The following RNGTT variants were observed in gnomAD, a reference collection of about 807,000 sequenced individuals.
RNGTT encodes the protein mRNA-capping enzyme.
A neutral mutation model predicts 79.3 loss-of-function variants in RNGTT; 33 were observed. That is an observed-to-expected ratio of 0.42 (90% CI 0.32 to 0.56). RNGTT has a LOEUF of 0.56. Among genes scored for constraint, RNGTT ranks in the 20% least tolerant of loss-of-function variants. The pLI is 0.17. For synonymous variants in RNGTT, 222 were observed against 235.9 expected, an observed-to-expected ratio of 0.94 and a Z score of 0.54; for missense variants, 497 against 739.1, an observed-to-expected ratio of 0.67 and a Z score of 3.80.
intron 14 of RNGTT, among the ~76,000 whole-genome samples, chr6:88,658,988 A>C (rs989160884): frequency 6.6e-6 from 1 of 152,186 alleles, no homozygotes; most frequent in African/African-American, 2.4e-5. Flanking sequence ...CAGACGGCCT[A>C]TTGTGGGACT....
At position 88,714,652 on chromosome 6, in the gene RNGTT, C is replaced by T. The variant is rs1178851048; in HGVS notation, c.1440-36233G>A. Among the ~76,000 whole-genome samples, 10 of 92,470 alleles carry T rather than the reference C, an allele frequency of 1.1e-4. 2 individuals are homozygous for T. The highest frequency in any genetic ancestry group is 1.9e-4 in the Non-Finnish European group (10 of 53,306). 60.7% of individuals were successfully genotyped at this position (92,470 alleles called of 152,430 possible). A position where few individuals can be genotyped will look rare whatever the true frequency, so the allele number is the denominator to read the frequency against. Reference sequence around the variant, plus strand: ...AGAGACGGGGTTTCACCGTTTTAGCCGGGATGGTCTCGATCTCCTGACCTC... The same window carrying T: ...AGAGACGGGGTTTCACCGTTTTAGCTGGGATGGTCTCGATCTCCTGACCTC... On this transcript the variant is annotated intron_variant, in intron 13 of 15. Transcript: ENST00000369485.
At chr6:88,806,745 A>G (rs1779967645) in intron 11 of RNGTT, among the ~76,000 whole-genome samples, 1 of 152,236 alleles carries the variant, frequency 6.6e-6, no homozygotes, top group Admixed American at 6.5e-5. Flanking sequence ...ATTACTGGGT[A>G]TATACCCAAG....
At chr6:88,781,531 G>A (rs1379297058) in intron 12 of RNGTT, among the ~76,000 whole-genome samples, 3 of 150,726 alleles carry the variant, frequency 2.0e-5, no homozygotes, top group African/African-American at 5.0e-5. Context: ...AATTATGAAC[G>A]CACATTCTTC....
intron 14 of RNGTT, among the ~76,000 whole-genome samples, chr6:88,661,775 A>T (rs1394995335): frequency 6.6e-6 from 1 of 152,230 alleles, no homozygotes; most frequent in African/African-American, 2.4e-5. Flanking sequence ...TACTGAAACT[A>T]TTCCAAAAGA....
intron 14 of RNGTT, among the ~76,000 whole-genome samples, chr6:88,642,837 T>C (rs1470638870): frequency 6.6e-6 from 1 of 152,344 alleles, no homozygotes; most frequent in African/African-American, 2.4e-5. Flanking sequence ...ATTTTGCCTA[T>C]TTATAAAAAT....
chr6:88,830,127 A>G (rs1227642564), intron 11 of RNGTT, among the ~76,000 whole-genome samples: 1 of 152,202 alleles, frequency 6.6e-6, no homozygotes. Context: ...TCTAAAATTG[A>G]GCACATAATT....
At chr6:88,873,795 A>G (rs775481115) in intron 8 of RNGTT, among the ~76,000 whole-genome samples, 5 of 152,178 alleles carry the variant, frequency 3.3e-5, no homozygotes, top group South Asian at 2.1e-4. Context: ...GGCAAAAAAG[A>G]AATTTTTACT....
At chr6:88,746,839 T>C (rs1582411184) in intron 13 of RNGTT, among the ~76,000 whole-genome samples, 2 of 152,290 alleles carry the variant, frequency 1.3e-5, no homozygotes, top group East Asian at 3.9e-4. Context: ...AAATACTCTA[T>C]ACTGATTCCA....
At chr6:88,908,444 G>C (rs748639119) in intron 4 of RNGTT, among the ~76,000 whole-genome samples, 1 of 152,152 alleles carries the variant, frequency 6.6e-6, no homozygotes, top group Non-Finnish European at 1.5e-5. Flanking sequence ...ACTTTGAACA[G>C]ATCTTTTGAG....
intron 14 of RNGTT, among the ~76,000 whole-genome samples, chr6:88,668,092 TGA>T (rs1327098731): frequency 3.3e-5 from 5 of 152,160 alleles, no homozygotes; most frequent in African/African-American, 1.2e-4. Context: ...CTTGGGTAAA[TGA>T]GAGATGCCCC....
chr6:88,775,869 G>C (rs890070767), intron 12 of RNGTT, among the ~76,000 whole-genome samples: 2 of 152,078 alleles, frequency 1.3e-5, no homozygotes, highest in Non-Finnish European at 2.9e-5. Context: ...ATAAATGACA[G>C]GATCTTTTTT....
chr6:88,866,373 A>G (rs1040368258), intron 8 of RNGTT, among the ~76,000 whole-genome samples: 1 of 152,174 alleles, frequency 6.6e-6, no homozygotes, highest in African/African-American at 2.4e-5. Flanking sequence ...AAGAAAAACC[A>G]GACTAGATTC....
intron 11 of RNGTT, among the ~76,000 whole-genome samples, chr6:88,808,635 C>G (rs1309876422): frequency 2.0e-5 from 3 of 152,050 alleles, no homozygotes; most frequent in African/African-American, 7.3e-5. Context: ...AATCAAGAAC[C>G]AGCTGGATGT....
At chr6:88,939,465 C>A (rs1056489684) in intron 2 of RNGTT, among the ~76,000 whole-genome samples, 5 of 152,094 alleles carry the variant, frequency 3.3e-5, no homozygotes, top group African/African-American at 1.2e-4. Flanking sequence ...TTTCTGATAT[C>A]TATCTCTGGT....
intron 14 of RNGTT, among the ~76,000 whole-genome samples, chr6:88,617,914 A>G (rs1279613576): frequency 2.6e-5 from 4 of 152,074 alleles, no homozygotes; most frequent in Non-Finnish European, 4.4e-5. Flanking sequence ...AACCATGATG[A>G]CATAGGAAGG....
intron 13 of RNGTT, among the ~76,000 whole-genome samples, chr6:88,699,672 A>G (rs188389178): frequency 1.3e-5 from 2 of 152,296 alleles, no homozygotes; most frequent in East Asian, 3.9e-4. Flanking sequence ...CTCAACAAAC[A>G]AACAAAAAAA....
At chr6:88,725,948 GGAGA>G (rs756953823) in intron 13 of RNGTT, among the ~76,000 whole-genome samples, 1 of 150,290 alleles carries the variant, frequency 6.7e-6, no homozygotes, top group Non-Finnish European at 1.5e-5. Context: ...AGAGTCAGAG[GGAGA>G]GAGAGAGAGA....
At chr6:88,773,114 T>C (rs1778748268) in intron 12 of RNGTT, among the ~76,000 whole-genome samples, 1 of 147,838 alleles carries the variant, frequency 6.8e-6, no homozygotes, top group African/African-American at 2.5e-5. Context: ...ATGTGGCACA[T>C]ATACACCATG....
intron 2 of RNGTT, among the ~76,000 whole-genome samples, chr6:88,932,044 A>G (rs982431983): frequency 1.4e-4 from 21 of 152,278 alleles, no homozygotes; most frequent in Admixed American, 1.2e-3. Flanking sequence ...ACAGAGCCAT[A>G]TTTCCCTTAT....
Sources: gnomAD v4.1 joint callset for allele counts (sites outside exome capture counted in the v4.1 genomes callset) on GRCh38, gnomAD v4.1.1 for gene constraint, MANE v1.5 for transcripts, NCBI Gene and HGNC (gene_info 2026-07-23, HGNC 2026-07-21) for gene names.